Variants in SRBD1 observed in about 807,000 individuals in gnomAD.
The protein encoded by SRBD1 is S1 RNA binding domain 1.
A neutral mutation model predicts 115.3 loss-of-function variants in SRBD1; 88 were observed. That is an observed-to-expected ratio of 0.76 (90% CI 0.64 to 0.91). The LOEUF (loss-of-function observed/expected upper bound fraction) is 0.91. SRBD1 is among the 40% of genes least tolerant of loss of function. SRBD1 has a pLI of 0.00. For missense variants in SRBD1, 1,385 were observed against 1,177.4 expected, an observed-to-expected ratio of 1.18 and a Z score of -2.58; for synonymous variants, 509 against 407.7, an observed-to-expected ratio of 1.25 and a Z score of -2.99.
At chr2:45,428,153 T>A (rs532321860) in intron 16 of SRBD1, among the ~76,000 whole-genome samples, 1 of 152,290 alleles carries the variant, frequency 6.6e-6, no homozygotes, top group East Asian at 1.9e-4. Context: ...AAACAGTCTC[T>A]CAGACTACAG....
chr2:45,472,931 A>C (rs17033715), intron 16 of SRBD1, among the ~76,000 whole-genome samples: 13,751 of 149,418 alleles, frequency 0.092, 776 homozygotes, highest in African/African-American at 0.16. Context: ...GGAATATTTT[A>C]ATCCAAATCT....
At chr2:45,465,255 G>C (rs759773713) in intron 16 of SRBD1, among the ~76,000 whole-genome samples, 1 of 152,026 alleles carries the variant, frequency 6.6e-6, no homozygotes, top group East Asian at 1.9e-4. Context: ...AAACTGTATG[G>C]TTTAGGCAAC....
intron 9 of SRBD1, 119 bp downstream of exon 9, chr2:45,573,088 A>G (rs1024430676): frequency 8.8e-7 from 1 of 1,141,110 alleles, no homozygotes; most frequent in Non-Finnish European, 1.2e-6. Context: ...AAGAATTTAT[A>G]TAAAGAAAAA....
chr2:45,583,837 C>G (rs953491219), intron 5 of SRBD1, among the ~76,000 whole-genome samples: 11 of 152,188 alleles, frequency 7.2e-5, no homozygotes, highest in African/African-American at 2.4e-4. Context: ...GGAATATTCA[C>G]TCCTCTACTA....
chr2:45,522,712 C>A (rs1250003751), intron 14 of SRBD1, among the ~76,000 whole-genome samples: 1 of 152,152 alleles, frequency 6.6e-6, no homozygotes. Flanking sequence ...AGGATGAAGA[C>A]CTTTATGATG....
intron 3 of SRBD1, among the ~76,000 whole-genome samples, chr2:45,601,589 A>G (rs1020144202): frequency 6.6e-6 from 1 of 152,240 alleles, no homozygotes; most frequent in African/African-American, 2.4e-5. Context: ...ACTTGCCTCA[A>G]TGGTTGTTAT....
chr2:45,550,975 G>A (rs1473673602), intron 12 of SRBD1, 150 bp downstream of exon 12: 1 of 791,200 alleles, frequency 1.3e-6, no homozygotes, highest in East Asian at 2.9e-5. Context: ...AATGAAGTTT[G>A]ATTATCTGGT....
chr2:45,423,151 T>C (rs1295127484), intron 16 of SRBD1, among the ~76,000 whole-genome samples: 1 of 152,200 alleles, frequency 6.6e-6, no homozygotes, highest in Non-Finnish European at 1.5e-5. Context: ...GTAATGATAT[T>C]CTTGTAGATG....
intron 9 of SRBD1, among the ~76,000 whole-genome samples, chr2:45,570,547 C>T (rs1672974126): frequency 6.6e-6 from 1 of 152,146 alleles, no homozygotes; most frequent in Non-Finnish European, 1.5e-5. Flanking sequence ...AATTCCATCC[C>T]TCCACAAAGG....
chr2:45,602,088 A>C lies in SRBD1; in HGVS notation c.81-5T>G. The C allele has an allele frequency of 6.2e-7, 1 of 1,608,050 alleles. No homozygotes were observed. The highest frequency in any genetic ancestry group is 1.1e-5 in the South Asian group (1 of 89,984). On this transcript the variant is annotated splice_polypyrimidine_tract_variant and splice_region_variant and intron_variant, in intron 2 of 20. Coordinates refer to ENST00000263736, the MANE Select transcript of SRBD1 (RefSeq NM_018079.5). ...TCTTCTTCAGAGGCAGATGATCTAG[A>C]AGTAAATCAACAGAATAATCTCCAG...
chr2:45,445,773 T>G (rs1572649271), intron 16 of SRBD1, among the ~76,000 whole-genome samples: 1 of 152,002 alleles, frequency 6.6e-6, no homozygotes, highest in African/African-American at 2.4e-5. Context: ...CTATGAAACG[T>G]TTTCATCTCA....
intron 14 of SRBD1, among the ~76,000 whole-genome samples, chr2:45,492,470 G>C (rs1030018204): frequency 6.6e-6 from 1 of 151,864 alleles, no homozygotes; most frequent in Non-Finnish European, 1.5e-5. Flanking sequence ...ACAGAGTCTC[G>C]TTCTGTCGCC....
chr2:45,553,544 CATT>C (rs1672370206), intron 11 of SRBD1, 76 bp downstream of exon 11: 1 of 896,446 alleles, frequency 1.1e-6, no homozygotes, highest in Non-Finnish European at 1.6e-6. Flanking sequence ...AATCAACAAA[CATT>C]AGCTACACAC....
intron 16 of SRBD1, among the ~76,000 whole-genome samples, chr2:45,458,852 G>T (rs931583952): frequency 6.6e-6 from 1 of 152,090 alleles, no homozygotes; most frequent in African/African-American, 2.4e-5. Flanking sequence ...AATGACTACA[G>T]GGGAATCACT....
At chr2:45,585,371 C>T (rs1673485886) in intron 5 of SRBD1, among the ~76,000 whole-genome samples, 1 of 152,198 alleles carries the variant, frequency 6.6e-6, no homozygotes, top group Admixed American at 6.6e-5. Context: ...CAGTCAAACT[C>T]TGAGGCACAC....
intron 4 of SRBD1, 49 bp from the exon 5 acceptor site, chr2:45,585,823 C>A (rs561635758): frequency 7.1e-7 from 1 of 1,403,710 alleles, no homozygotes; most frequent in Admixed American, 2.3e-5. Context: ...AATTAAACAT[C>A]TATATCATGT....
intron 16 of SRBD1, among the ~76,000 whole-genome samples, chr2:45,438,799 G>C (rs1668576232): frequency 6.6e-6 from 1 of 151,948 alleles, no homozygotes; most frequent in African/African-American, 2.4e-5. Flanking sequence ...AGAGAGAATA[G>C]GGCAGATAAA....
intron 16 of SRBD1, among the ~76,000 whole-genome samples, chr2:45,449,512 G>A (rs1050529853): frequency 6.6e-6 from 1 of 152,110 alleles, no homozygotes; most frequent in Non-Finnish European, 1.5e-5. Context: ...GCATTGTAAA[G>A]TTTTACCGAT....
intron 14 of SRBD1, among the ~76,000 whole-genome samples, chr2:45,541,102 C>T (rs185773670): frequency 1.8e-3 from 267 of 152,308 alleles, no homozygotes; most frequent in African/African-American, 5.5e-3. Flanking sequence ...GTGCGGTGAG[C>T]GGTGTGTGAG....
Sources: gnomAD v4.1 joint callset for allele counts (sites outside exome capture counted in the v4.1 genomes callset) on GRCh38, gnomAD v4.1.1 for gene constraint, MANE v1.5 for transcripts, NCBI Gene and HGNC (gene_info 2026-07-23, HGNC 2026-07-21) for gene names.